Variants in PTPRD observed in about 807,000 individuals in gnomAD.
The protein encoded by PTPRD is protein tyrosine phosphatase receptor type D, also known as receptor-type tyrosine-protein phosphatase delta.
A neutral mutation model predicts 214.5 loss-of-function variants in PTPRD; 34 were observed. That is an observed-to-expected ratio of 0.16 (90% CI 0.12 to 0.21). PTPRD has a LOEUF of 0.21. Among genes scored for constraint, PTPRD ranks in the 10% least tolerant of loss-of-function variants. The probability of loss-of-function intolerance (pLI) is 1.00; values close to 1 mark genes in which losing one functional copy is unlikely to be tolerated. For synonymous variants in PTPRD, 1,128 were observed against 845.7 expected (o/e 1.33, Z -5.79); for missense variants, 2,545 against 2,398.7 (o/e 1.06, Z -1.27).
chr9:9,411,577 C>A (rs555806683), intron 8 of PTPRD, among the ~76,000 whole-genome samples: 61 of 152,224 alleles, frequency 4.0e-4, no homozygotes, highest in Non-Finnish European at 7.8e-4. Context: ...TGGAAATAGC[C>A]TTTTGCTAAC....
intron 3 of PTPRD, among the ~76,000 whole-genome samples, chr9:10,160,202 G>A (rs908557794): frequency 6.6e-6 from 1 of 151,956 alleles, no homozygotes. Context: ...ACTTATATCA[G>A]AATAAAATAG....
At chr9:8,655,583 AT>A (rs1785027816) in intron 12 of PTPRD, among the ~76,000 whole-genome samples, 1 of 152,156 alleles carries the variant, frequency 6.6e-6, no homozygotes, top group African/African-American at 2.4e-5. Flanking sequence ...CATAAAGGAG[AT>A]TTAAACATAA....
At chr9:8,337,594 C>CA (rs1261632539) in intron 43 of PTPRD, among the ~76,000 whole-genome samples, 2 of 151,404 alleles carry the variant, frequency 1.3e-5, no homozygotes, top group African/African-American at 4.8e-5. Flanking sequence ...TCAGGACTTA[C>CA]ACTCCAGGAG....
chr9:8,331,831 G>A (rs949030762), intron 43 of PTPRD, 95 bp from the exon 44 acceptor site: 66 of 1,422,376 alleles, frequency 4.6e-5, no homozygotes, highest in Admixed American at 8.1e-5. Context: ...TTCATTTCCC[G>A]AAAACAAAAA....
At chr9:9,059,329 A>G (rs189481031) in intron 10 of PTPRD, among the ~76,000 whole-genome samples, 1 of 152,222 alleles carries the variant, frequency 6.6e-6, no homozygotes, top group African/African-American at 2.4e-5. Flanking sequence ...CAGATAAGAA[A>G]TAAATGACAC....
At chr9:8,554,618 G>A (rs1160136820) in intron 14 of PTPRD, among the ~76,000 whole-genome samples, 1 of 152,156 alleles carries the variant, frequency 6.6e-6, no homozygotes. Context: ...TGAGTGCCAG[G>A]CTATTGAAGC....
intron 9 of PTPRD, among the ~76,000 whole-genome samples, chr9:9,388,118 C>A (rs2064520421): frequency 1.3e-5 from 2 of 152,010 alleles, no homozygotes; most frequent in Non-Finnish European, 2.9e-5. Context: ...GATGGGGGAG[C>A]CAGAAGGGAA....
chr9:8,534,712 G>C (rs534154528), intron 14 of PTPRD, among the ~76,000 whole-genome samples: 7 of 151,756 alleles, frequency 4.6e-5, no homozygotes, highest in Non-Finnish European at 1.5e-5. Flanking sequence ...ACGTGTCAGA[G>C]AATCAGTAGT....
chr9:8,936,453 A>AAAAAAAAAAAAAGAG (rs2098998460), intron 11 of PTPRD, among the ~76,000 whole-genome samples: 1 of 148,130 alleles, frequency 6.8e-6, no homozygotes, highest in African/African-American at 2.5e-5. Context: ...AAAAAAAAGA[A>AAAAAAAAAAAAAGAG]GATGAAAAAT....
At chr9:10,554,130 G>A (rs922009579) in intron 2 of PTPRD, among the ~76,000 whole-genome samples, 18 of 152,122 alleles carry the variant, frequency 1.2e-4, no homozygotes, top group African/African-American at 4.1e-4. Context: ...AGCTTTTAAT[G>A]ATGAGACCTT....
At chr9:9,550,643 C>T (rs563432093) in intron 8 of PTPRD, among the ~76,000 whole-genome samples, 53 of 151,132 alleles carry the variant, frequency 3.5e-4, no homozygotes, top group African/African-American at 1.2e-3. Context: ...AGAACTTTTG[C>T]TCTGTAAAAC....
At chr9:10,148,515 T>A (rs1270870169) in intron 3 of PTPRD, among the ~76,000 whole-genome samples, 1 of 152,168 alleles carries the variant, frequency 6.6e-6, no homozygotes, top group Non-Finnish European at 1.5e-5. Flanking sequence ...ATGCTATGTA[T>A]CATTTCTCAA....
In PTPRD at chr9:10,519,801, C is replaced by T. The variant is rs764884023; in HGVS notation, c.-600+92597G>A. 5.3e-5 allele frequency among the ~76,000 whole-genome samples: 8 copies of T among 151,884 alleles called. No homozygotes were observed. The East Asian group carries it at 5.8e-4, about 11-fold the overall frequency. On this transcript the variant is annotated intron_variant, in intron 2 of 45. Coordinates refer to ENST00000381196, the MANE Select transcript of PTPRD (RefSeq NM_002839.4). ...TTTGATGTTACTATTGTCATTGTTT[C>T]GGGGACTCATAAACCATGTCCATAT...
chr9:10,484,519 C>T (rs1352027004), intron 2 of PTPRD, among the ~76,000 whole-genome samples: 1 of 152,048 alleles, frequency 6.6e-6, no homozygotes, highest in Non-Finnish European at 1.5e-5. Flanking sequence ...TACGAGGGTT[C>T]TCTTTTCTCC....
At position 9,837,690 on chromosome 9, in the gene PTPRD, G is replaced by C. The variant is rs570140828; in HGVS notation, c.-367-70839C>G. ...CATGAGGGGAGTGGCTGTAATAACA[G>C]TGGTAGCATCCTAACCAGACTGGTA... On this transcript the variant is annotated intron_variant, in intron 5 of 45. Coordinates refer to ENST00000381196, the MANE Select transcript of PTPRD (RefSeq NM_002839.4). Among the ~76,000 whole-genome samples, 17 of 152,222 alleles carry C rather than the reference G, an allele frequency of 1.1e-4. No individual in the cohort carries two copies. In the South Asian group the frequency reaches 2.3e-3, roughly 20 times the overall value.
intron 5 of PTPRD, among the ~76,000 whole-genome samples, chr9:9,792,081 T>C (rs751664813): frequency 2.0e-5 from 3 of 151,764 alleles, no homozygotes; most frequent in Non-Finnish European, 4.4e-5. Context: ...AAAAATGTTT[T>C]ATCCCATGAT....
chr9:9,762,339 G>A (rs755618204), intron 6 of PTPRD, among the ~76,000 whole-genome samples: 8 of 152,168 alleles, frequency 5.3e-5, no homozygotes, highest in African/African-American at 1.9e-4. Flanking sequence ...AGCTCTTCTT[G>A]AAGTGACAGT....
At chr9:8,809,939 T>C (rs867117938) in intron 11 of PTPRD, among the ~76,000 whole-genome samples, 6 of 152,152 alleles carry the variant, frequency 3.9e-5, no homozygotes, top group African/African-American at 1.2e-4. Context: ...AAGCTCCAAT[T>C]TGACACGCTC....
intron 3 of PTPRD, among the ~76,000 whole-genome samples, chr9:10,270,305 A>T (rs1321200650): frequency 6.6e-6 from 1 of 152,184 alleles, no homozygotes; most frequent in Non-Finnish European, 1.5e-5. Flanking sequence ...CTGATATAGC[A>T]TTCATATTAC....
Sources: allele counts gnomAD v4.1 joint callset (sites outside exome capture counted in the v4.1 genomes callset), GRCh38; gene constraint gnomAD v4.1.1; transcripts MANE v1.5; gene names NCBI Gene and HGNC (gene_info 2026-07-23, HGNC 2026-07-21).